The following CYP4A11 variants were observed in gnomAD, a reference collection of about 807,000 sequenced individuals.
CYP4A11 encodes cytochrome P450 4A11.
A neutral mutation model predicts 57.7 loss-of-function variants in CYP4A11; 52 were observed. The ratio of observed to expected loss-of-function variants is 0.90; its 90% CI spans 0.72 to 1.14. The LOEUF (loss-of-function observed/expected upper bound fraction) is 1.14. Ranked by LOEUF, CYP4A11 falls within the 50% of genes most tolerant of loss-of-function variation. The probability of loss-of-function intolerance (pLI) is 0.00; values close to 1 mark genes in which losing one functional copy is unlikely to be tolerated. For synonymous variants in CYP4A11, 228 were observed against 247.1 expected (o/e 0.92, Z 0.72); for missense variants, 641 against 642.1 (o/e 1.00, Z 0.02).
chr1:46,935,676 T>C, intron 4 of CYP4A11, 29 bp from the exon 5 acceptor site: 1 of 1,597,148 alleles, frequency 6.3e-7, no homozygotes, highest in Non-Finnish European at 8.5e-7. Context: ...TGGACCTTCT[T>C]AATCTCCAAG....
intron 11 of CYP4A11, chr1:46,932,212 C>T (rs949831322): frequency 1.3e-5 from 13 of 993,408 alleles, no homozygotes; most frequent in African/African-American, 1.7e-5. Context: ...AAACTTTCTT[C>T]AAAGGGCTAC....
Position 46,941,460 on chromosome 1 carries a change from T to C in CYP4A11, c.-27A>G. On this transcript the variant is annotated 5_prime_UTR_variant, in exon 1 of 12. Coordinates refer to ENST00000310638, the MANE Select transcript of CYP4A11 (RefSeq NM_000778.4). ...GTGCAGCACCTGCTGGATCTCTGAGTGCCCCTACCTCTCTCTGACCACCCC... is the reference window on the plus strand; with the variant it reads ...GTGCAGCACCTGCTGGATCTCTGAGCGCCCCTACCTCTCTCTGACCACCCC... 1 of 1,607,630 alleles carries C rather than the reference T, an allele frequency of 6.2e-7. No homozygotes were observed. The highest frequency in any genetic ancestry group is 8.5e-7 in the Non-Finnish European group (1 of 1,175,880).
chr1:46,932,872 G>T (rs764550784), intron 10 of CYP4A11, 35 bp from the exon 11 acceptor site: 1 of 1,614,184 alleles, frequency 6.2e-7, no homozygotes. Context: ...GATAGTTAAG[G>T]ATCCAGCACC....
At chr1:46,930,693 G>C (rs1680966915) in intron 11 of CYP4A11, among the ~76,000 whole-genome samples, 1 of 152,204 alleles carries the variant, frequency 6.6e-6, no homozygotes, top group African/African-American at 2.4e-5. Context: ...GGTCAGTTCA[G>C]GTCCTGTAGG....
Position 46,930,167 on chromosome 1 carries a change from T to C in CYP4A11, c.1508A>G (p.His503Arg). ...RLVLKSKNGIHLRLRRLPNPC... is the reference protein window; with the variant it reads ...RLVLKSKNGIRLRLRRLPNPC... ...GTTAGGGAGCCTCCTGAGACGCAGG[T>C]GGATTCCATTTTTGGATTTCAACAC... The change falls in exon 12 of 12, where the codon CAC becomes CGC. Residue 503 changes from histidine (H) to arginine (R), a missense_variant. Physicochemically the swap from His to Arg is conservative, Grantham distance 29. Transcript: ENST00000310638. The C allele has an allele frequency of 1.2e-6, 2 of 1,613,952 alleles. No individual in the cohort carries two copies. Among genetic ancestry groups the C allele is most frequent in the Non-Finnish European group, 1.7e-6 (2 of 1,179,946 alleles).
chr1:46,938,295 C>G (rs1489446401), intron 1 of CYP4A11, among the ~76,000 whole-genome samples, 158 bp from the exon 2 acceptor site: 1 of 152,198 alleles, frequency 6.6e-6, no homozygotes, highest in Non-Finnish European at 1.5e-5. Context: ...GCTCTCTCCC[C>G]AGGACTTGAC....
intron 1 of CYP4A11, 58 bp downstream of exon 1, chr1:46,941,181 G>C: frequency 6.4e-7 from 1 of 1,560,878 alleles, no homozygotes; most frequent in African/African-American, 1.4e-5. Context: ...TTTGTGACCA[G>C]GGTCTCAGAG....
chr1:46,937,291 T>G lies in CYP4A11; in HGVS notation c.382+11A>C. 1.2e-6 allele frequency: 2 copies of G among 1,614,076 alleles called. No individual in the cohort carries two copies. Among genetic ancestry groups the G allele is most frequent in the Non-Finnish European group, 1.7e-6 (2 of 1,179,954 alleles). On this transcript the variant is annotated intron_variant, in intron 3 of 11. Coordinates refer to ENST00000310638, the MANE Select transcript of CYP4A11 (RefSeq NM_000778.4). ...TAGGGAGTGGGCTGCAGTCCTAGTT[T>G]GCACACATACCAATCCATGGAGCCA...
intron 11 of CYP4A11, 74 bp downstream of exon 11, chr1:46,932,687 G>A: frequency 1.2e-6 from 2 of 1,612,722 alleles, no homozygotes; most frequent in Non-Finnish European, 1.7e-6. Flanking sequence ...TGAACATCAG[G>A]CTCACAAAGA....
In CYP4A11 at chr1:46,936,678, C is replaced by T. The variant is rs1681413183; in HGVS notation, c.496G>A (p.Val166Ile). 6.2e-7 allele frequency: 1 copy of T among 1,608,982 alleles called. No homozygotes were observed. The highest frequency in any genetic ancestry group is 1.3e-5 in the African/African-American group (1 of 74,782). ...KPYVGLMADS[V>I]RVMLDKWEEL... ...CATGGACTCACCAGCATCACTCGTACAGAGTCTGCCATGAGCCCCACATAG... is the reference window on the plus strand; with the variant it reads ...CATGGACTCACCAGCATCACTCGTATAGAGTCTGCCATGAGCCCCACATAG... The change falls in exon 4 of 12, where the codon GTA becomes ATA. Residue 166 changes from valine to isoleucine, a missense_variant. Transcript: ENST00000310638.
At chr1:46,934,807 G>C (rs1400371064) in intron 6 of CYP4A11, among the ~76,000 whole-genome samples, 193 bp downstream of exon 6, 3 of 152,156 alleles carry the variant, frequency 2.0e-5, no homozygotes, top group Admixed American at 6.6e-5. Context: ...CTCCATGTGG[G>C]GACATTGATA....
chr1:46,934,539 T>C lies in CYP4A11; in HGVS notation c.811A>G (p.Lys271Glu). ...QHTDQVIQLR[K>E]AQLQKEGELE... ...TCCCCCTCCTTCTGTAGTTGAGCCT[T>C]CCTCAGTTGGATCACTTGGTCTGTA... The change falls in exon 7 of 12, where the codon AAG becomes GAG. Residue 271 changes from lysine (K) to glutamate (E), a missense_variant. By Grantham distance (56) the Lys-to-Glu change is moderately conservative. Transcript: ENST00000310638. 6.2e-7 allele frequency: 1 copy of C among 1,613,550 alleles called. No homozygotes were observed. Among genetic ancestry groups the C allele is most frequent in the Non-Finnish European group, 8.5e-7 (1 of 1,179,730 alleles).
At chr1:46,936,128 TG>T (rs1318116761) in intron 4 of CYP4A11, among the ~76,000 whole-genome samples, 7 of 152,232 alleles carry the variant, frequency 4.6e-5, no homozygotes, top group Non-Finnish European at 7.3e-5. Context: ...CAAAATGTGC[TG>T]GGCACAGTTG....
chr1:46,937,227 G>C (rs1681464118), intron 3 of CYP4A11, 75 bp downstream of exon 3: 2 of 1,536,330 alleles, frequency 1.3e-6, no homozygotes, highest in Non-Finnish European at 1.8e-6. Context: ...CCTCTAATCT[G>C]TTGTTCTCTG....
intron 2 of CYP4A11, 21 bp from the exon 3 acceptor site, chr1:46,937,367 T>C: frequency 6.2e-7 from 1 of 1,613,446 alleles, no homozygotes; most frequent in Non-Finnish European, 8.5e-7. Context: ...AGAAAGGGCT[T>C]TATAGGAAAC....
intron 1 of CYP4A11, chr1:46,940,824 C>T (rs1311702478): frequency 3.0e-6 from 3 of 985,270 alleles, no homozygotes; most frequent in Non-Finnish European, 3.6e-6. Context: ...GGCATGGATT[C>T]CTCAGATGGG....
Position 46,930,052 on chromosome 1 carries a change from T to A in CYP4A11, c.*63A>T. On this transcript the variant is annotated 3_prime_UTR_variant, in exon 12 of 12. Transcript: ENST00000310638. ...GAAGGTGGGCAGACAGAAAACAGGA[T>A]ATGGGCAGACAGGAAGGGGACAGAA... is the stretch of plus-strand genomic sequence containing the variant. 2 of 1,533,750 alleles carry A rather than the reference T, an allele frequency of 1.3e-6. No individual in the cohort carries two copies. Among genetic ancestry groups the A allele is most frequent in the Non-Finnish European group, 1.8e-6 (2 of 1,137,220 alleles).
intron 1 of CYP4A11, among the ~76,000 whole-genome samples, chr1:46,940,008 G>A (rs1008756105): frequency 2.6e-5 from 4 of 151,896 alleles, no homozygotes; most frequent in African/African-American, 7.3e-5. Flanking sequence ...CTCTACTTAA[G>A]TGTGTTCAAT....
intron 1 of CYP4A11, among the ~76,000 whole-genome samples, chr1:46,938,572 C>T (rs371978467): frequency 1.5e-3 from 233 of 152,110 alleles, no homozygotes; most frequent in African/African-American, 5.3e-3. Context: ...CCAGCATATA[C>T]GGTAAATATT....
Sources: gnomAD v4.1 joint callset for allele counts (sites outside exome capture counted in the v4.1 genomes callset) on GRCh38, gnomAD v4.1.1 for gene constraint, MANE v1.5 for transcripts, NCBI Gene and HGNC (gene_info 2026-07-23, HGNC 2026-07-21) for gene names.